The following LRRC4B variants were observed in gnomAD, a reference collection of about 807,000 sequenced individuals.
LRRC4B encodes the protein leucine-rich repeat-containing protein 4B.
In LRRC4B, 1 loss-of-function variant was observed where a neutral mutation model predicts 7.3. That is an observed-to-expected ratio of 0.14 (90% CI 0.05 to 0.65). LRRC4B has a LOEUF of 0.65. Among genes scored for constraint, LRRC4B ranks in the 30% least tolerant of loss-of-function variants. The pLI is 0.84. For missense variants in LRRC4B, 730 were observed against 1,041.6 expected, an observed-to-expected ratio of 0.70 and a Z score of 4.12; for synonymous variants, 500 against 499.2, an observed-to-expected ratio of 1.00 and a Z score of -0.02.
rs1267843292 is a variant in LRRC4B, at chr19:50,517,339, G to C, written c.*232C>G. 5 of 377,162 alleles carry C rather than the reference G, an allele frequency of 1.3e-5. No individual in the cohort carries two copies. Among genetic ancestry groups the C allele is most frequent in the African/African-American group, 1.0e-4 (5 of 48,008 alleles). 23.4% of individuals were successfully genotyped at this position (377,162 alleles called of 1,614,324 possible). Reference sequence around the variant, plus strand: ...GGGTCCCACGTCCCCTCCCGTCACCGGGGATTGGCGGGGGTGAGGCGAGGA... The same window carrying C: ...GGGTCCCACGTCCCCTCCCGTCACCCGGGATTGGCGGGGGTGAGGCGAGGA... On this transcript the variant is annotated 3_prime_UTR_variant, in exon 3 of 3. Transcript: ENST00000652263. The surrounding 1 kb of genome is among the most constrained non-coding windows in gnomAD (Gnocchi z 6.6).
At chr19:50,562,624 A>T (rs1599788417) in intron 1 of LRRC4B, among the ~76,000 whole-genome samples, 1 of 151,272 alleles carries the variant, frequency 6.6e-6, no homozygotes, top group East Asian at 2.0e-4. Flanking sequence ...CCTAAGCTCA[A>T]CTCCCTGGGC....
chr19:50,530,934 G>GC (rs1186278615), intron 2 of LRRC4B, among the ~76,000 whole-genome samples: 1 of 150,786 alleles, frequency 6.6e-6, no homozygotes, highest in Non-Finnish European at 1.5e-5. Context: ...AACCTGGGGG[G>GC]GGGGGGTCTC....
chr19:50,520,642 A>G (rs1327315498), intron 2 of LRRC4B, among the ~76,000 whole-genome samples: 2 of 143,860 alleles, frequency 1.4e-5, no homozygotes, highest in Admixed American at 1.4e-4. Flanking sequence ...AAAAAAAAAA[A>G]AAGAATTTTG....
rs773219728 is a variant in LRRC4B, at chr19:50,517,569, C to T, written c.*2G>A. The T allele has an allele frequency of 2.8e-6, 4 of 1,428,818 alleles. No individual in the cohort carries two copies. In the African/African-American group the frequency reaches 6.0e-5, roughly 21 times the overall value. 88.5% of individuals were successfully genotyped at this position (1,428,818 alleles called of 1,614,324 possible). A position where few individuals can be genotyped will look rare whatever the true frequency, so the allele number is the denominator to read the frequency against. On this transcript the variant is annotated 3_prime_UTR_variant, in exon 3 of 3. Coordinates refer to ENST00000652263, the MANE Select transcript of LRRC4B (RefSeq NM_001080457.2). The surrounding 1 kb of genome is among the most constrained non-coding windows in gnomAD (Gnocchi z 6.6). ...GCCCCTCGCCCGCCCGGCCCCGCCG[C>T]CTCAGATCTGCGTCTCTTGCACGTT...
chr19:50,532,662 C>G (rs541182859), intron 2 of LRRC4B, among the ~76,000 whole-genome samples: 11 of 152,232 alleles, frequency 7.2e-5, no homozygotes, highest in Admixed American at 2.0e-4. Flanking sequence ...CTTATTAGAT[C>G]CCTATCGCAG....
chr19:50,552,646 GTCCATCCATCCATCCA>G (rs1309512823), intron 1 of LRRC4B, among the ~76,000 whole-genome samples: 1 of 53,478 alleles, frequency 1.9e-5, no homozygotes, highest in South Asian at 6.6e-4. Flanking sequence ...CCGCCCATCC[GTCCATCCATCCATCCA>G]TCCATCCATC....
chr19:50,523,331 C>T (rs1020575625), intron 2 of LRRC4B, among the ~76,000 whole-genome samples: 1 of 150,548 alleles, frequency 6.6e-6, no homozygotes, highest in African/African-American at 2.5e-5. Context: ...CATCCTGTGT[C>T]ATCACAAAGA....
At chr19:50,523,167 T>G (rs1055769968) in intron 2 of LRRC4B, among the ~76,000 whole-genome samples, 1 of 152,190 alleles carries the variant, frequency 6.6e-6, no homozygotes, top group Non-Finnish European at 1.5e-5. Context: ...TCACTACTGA[T>G]GACCACGCCG....
intron 1 of LRRC4B, among the ~76,000 whole-genome samples, chr19:50,564,618 C>T (rs1043917942): frequency 8.6e-5 from 13 of 151,660 alleles, no homozygotes; most frequent in Non-Finnish European, 1.9e-4. Context: ...AGGGTCAGTC[C>T]CAGGGAAGAT....
Position 50,556,260 on chromosome 19 carries a change from C to CGGGGTGGGGGTGAGGTGCAG in LRRC4B, c.-35-7407_-35-7388dup. On this transcript the variant is annotated intron_variant, in intron 1 of 2. Transcript: ENST00000652263. This position sits in a 1 kb window ranked among gnomAD's most constrained non-coding sequence, Gnocchi z 4.2. ...GCGGCCCGTGCAGTGGGGGTGCAGTCGGGGTGGGGGTGAGGTGCAGTGGGT... is the reference window on the plus strand; with the variant it reads ...GCGGCCCGTGCAGTGGGGGTGCAGTCGGGGTGGGGGTGAGGTGCAGGGGGTGGGGGTGAGGTGCAGTGGGT... 1.0e-5 allele frequency among the ~76,000 whole-genome samples: 1 copy of CGGGGTGGGGGTGAGGTGCAG among 98,354 alleles called. No homozygotes were observed. The highest frequency in any genetic ancestry group is 2.1e-5 in the Non-Finnish European group (1 of 47,922). 64.5% of individuals were successfully genotyped at this position (98,354 alleles called of 152,430 possible). A position where few individuals can be genotyped will look rare whatever the true frequency, so the allele number is the denominator to read the frequency against.
intron 1 of LRRC4B, among the ~76,000 whole-genome samples, chr19:50,565,487 A>G (rs1016432303): frequency 2.0e-5 from 3 of 151,514 alleles, no homozygotes; most frequent in Non-Finnish European, 2.9e-5. Context: ...CTGGTTCCAT[A>G]TCGGGGTCTC....
chr19:50,517,714 C>T lies in LRRC4B; in HGVS notation c.1999G>A (p.Ala667Thr). ...CTGTAGTGCGCCTTGAAGGCGGCAG[C>T]CACGTAGTGGTGGTGGTTGAGGTGG... ...RDHLNHHHYV[A>T]AAFKAHYSSN... Residue 667 changes from alanine (A) to threonine (T), a missense_variant, in exon 3 of 3, where the codon GCT (alanine) becomes ACT (threonine). Around this residue, in one of 6 missense-constraint regions of LRRC4B, gnomAD observed 160 missense variants for 163.9 expected, o/e 0.98. Transcript: ENST00000652263. The surrounding 1 kb of genome is among the most constrained non-coding windows in gnomAD (Gnocchi z 6.6). 6.4e-7 allele frequency: 1 copy of T among 1,552,974 alleles called. No individual in the cohort carries two copies. Among genetic ancestry groups the T allele is most frequent in the East Asian group, 2.4e-5 (1 of 41,964 alleles).
At chr19:50,545,735 T>C (rs1981774899) in intron 2 of LRRC4B, among the ~76,000 whole-genome samples, 1 of 150,812 alleles carries the variant, frequency 6.6e-6, no homozygotes, top group African/African-American at 2.4e-5. Flanking sequence ...TTTTTTTTTT[T>C]TTTTTTTTAA....
intron 1 of LRRC4B, among the ~76,000 whole-genome samples, chr19:50,551,674 C>A (rs1389631562): frequency 6.7e-6 from 1 of 149,492 alleles, no homozygotes; most frequent in African/African-American, 2.5e-5. Flanking sequence ...TCTCCTCCAT[C>A]TATTCCTCCC....
rs1416257176 is a variant in LRRC4B at position 50,563,507 on chromosome 19, T to C, written c.-36+4437A>G. On this transcript the variant is annotated intron_variant, in intron 1 of 2. Transcript: ENST00000652263. The surrounding 1 kb of genome is among the most constrained non-coding windows in gnomAD (Gnocchi z 4.9). ...CGCTGCCAGGCACAGAGGGGAGCCCTGTCCTTTGCACCCCTATCTGGAGGT... is the reference window on the plus strand; with the variant it reads ...CGCTGCCAGGCACAGAGGGGAGCCCCGTCCTTTGCACCCCTATCTGGAGGT... 6.6e-6 allele frequency among the ~76,000 whole-genome samples: 1 copy of C among 152,196 alleles called. No individual in the cohort carries two copies. Among genetic ancestry groups the C allele is most frequent in the Non-Finnish European group, 1.5e-5 (1 of 68,030 alleles).
intron 2 of LRRC4B, among the ~76,000 whole-genome samples, chr19:50,527,529 G>C (rs1347628131): frequency 6.6e-6 from 1 of 151,668 alleles, no homozygotes; most frequent in Non-Finnish European, 1.5e-5. Flanking sequence ...ACTTGCCTGG[G>C]TCCTGCATTT....
Position 50,519,748 on chromosome 19 carries a change from G to A in LRRC4B, c.298-333C>T, listed in dbSNP as rs1361878113. On this transcript the variant is annotated intron_variant, in intron 2 of 2. Transcript: ENST00000652263. The surrounding 1 kb of genome is among the most constrained non-coding windows in gnomAD (Gnocchi z 8.1). ...AAAAATTAGCCAGGTGTGGTGGTGC[G>A]TGTAATCCCAGCTACTCGGGAGGCT... Among the ~76,000 whole-genome samples the A allele has an allele frequency of 6.6e-6, 1 of 151,960 alleles. No homozygotes were observed. The highest frequency in any genetic ancestry group is 1.5e-5 in the Non-Finnish European group (1 of 68,008).
rs1981906434 is a variant in LRRC4B at position 50,548,470 on chromosome 19, G to A, written c.297+72C>T. Reference sequence around the variant, plus strand: ...AGCCCCGGTGTGGGGAGGCCCAGAAGGGATGGGCTACATCTGCATGCCTCC... The same window carrying A: ...AGCCCCGGTGTGGGGAGGCCCAGAAAGGATGGGCTACATCTGCATGCCTCC... On this transcript the variant is annotated intron_variant, in intron 2 of 2. Transcript: ENST00000652263. The surrounding 1 kb of genome is among the most constrained non-coding windows in gnomAD (Gnocchi z 6.8). 2 of 1,528,872 alleles carry A rather than the reference G, an allele frequency of 1.3e-6. No homozygotes were observed. The highest frequency in any genetic ancestry group is 1.8e-6 in the Non-Finnish European group (2 of 1,140,974). 94.7% of individuals were successfully genotyped at this position (1,528,872 alleles called of 1,614,324 possible). A position where few individuals can be genotyped will look rare whatever the true frequency, so the allele number is the denominator to read the frequency against.
intron 2 of LRRC4B, among the ~76,000 whole-genome samples, chr19:50,539,119 C>T (rs1981432349): frequency 6.6e-6 from 1 of 152,122 alleles, no homozygotes; most frequent in Non-Finnish European, 1.5e-5. Context: ...ACCTTGTGAT[C>T]CACCTGCCTT....
Sources: allele counts gnomAD v4.1 joint callset (sites outside exome capture counted in the v4.1 genomes callset), GRCh38; gene constraint gnomAD v4.1.1; regional missense constraint gnomAD v4.1.1; non-coding constraint Gnocchi (gnomAD v3.1); transcripts MANE v1.5; gene names NCBI Gene and HGNC (gene_info 2026-07-23, HGNC 2026-07-21).